Variants in ELP1 observed in about 807,000 individuals in gnomAD.
The protein encoded by ELP1 is elongator acetyltransferase complex subunit 1, also known as elongator complex protein 1.
In ELP1, 131 loss-of-function variants were observed where a neutral mutation model predicts 183.2. The ratio of observed to expected loss-of-function variants is 0.72; its 90% CI spans 0.62 to 0.83. ELP1 has a LOEUF of 0.83. ELP1 is among the 40% of genes least tolerant of loss of function. The pLI, the probability that ELP1 is intolerant of heterozygous loss-of-function variation, is 0.00. For synonymous variants in ELP1, 555 were observed against 569.0 expected (o/e 0.98, Z 0.35); for missense variants, 1,550 against 1,594.9 (o/e 0.97, Z 0.48).
chr9:108,881,567 A>G lies in ELP1; in HGVS notation c.3346+138T>C, dbSNP rs961313285. 3 of 654,328 alleles carry G rather than the reference A, an allele frequency of 4.6e-6. No individual in the cohort carries two copies. The South Asian group carries it at 5.3e-5, about 12-fold the overall frequency. 40.5% of individuals were successfully genotyped at this position (654,328 alleles called of 1,614,324 possible). Reference sequence around the variant, plus strand: ...TTAAAAATTCTAGTGAGAATTAAATATTATATCCAGGTGGTAATTTTGATT... The same window carrying G: ...TTAAAAATTCTAGTGAGAATTAAATGTTATATCCAGGTGGTAATTTTGATT... On this transcript the variant is annotated intron_variant, in intron 31 of 36. Coordinates refer to ENST00000374647, the MANE Select transcript of ELP1 (RefSeq NM_003640.5).
intron 32 of ELP1, 36 bp downstream of exon 32, chr9:108,880,016 C>T (rs1381579714): frequency 1.5e-6 from 2 of 1,297,236 alleles, no homozygotes; most frequent in East Asian, 2.3e-5. Context: ...AACCCCACTG[C>T]CCCCGCACGT....
intron 29 of ELP1, among the ~76,000 whole-genome samples, chr9:108,885,662 CA>C (rs992083061): frequency 4.6e-5 from 7 of 152,176 alleles, no homozygotes; most frequent in African/African-American, 1.4e-4. Context: ...AGCAACAAGT[CA>C]AAAATGAATT....
chr9:108,870,668 T>C (rs1827415443), intron 36 of ELP1, among the ~76,000 whole-genome samples: 1 of 152,056 alleles, frequency 6.6e-6, no homozygotes, highest in Non-Finnish European at 1.5e-5. Flanking sequence ...TTCTGATGTT[T>C]TTGCTTTTTC....
At chr9:108,891,149 A>G in intron 28 of ELP1, 54 bp downstream of exon 28, 2 of 1,558,312 alleles carry the variant, frequency 1.3e-6, no homozygotes, top group Admixed American at 3.3e-5. Flanking sequence ...CAAACAAAAG[A>G]AATAAATTTT....
Position 108,896,953 on chromosome 9 carries a change from C to T in ELP1, c.2587G>A (p.Gly863Arg). Reference sequence around the variant, plus strand: ...ACTTTCTCTGTGAGCGGATCTCTACCTTGAAGCTCGTGTACTTTTTGCAGT... The same window carrying T: ...ACTTTCTCTGTGAGCGGATCTCTACTTTGAAGCTCGTGTACTTTTTGCAGT... ...IVLQKVHELQGNAPSDPDAVS... is the reference protein window; with the variant it reads ...IVLQKVHELQRNAPSDPDAVS... The change falls in exon 24 of 37, where the codon GGA (glycine) becomes AGA (arginine). Residue 863 changes from glycine to arginine, a missense_variant and splice_region_variant. Coordinates refer to ENST00000374647, the MANE Select transcript of ELP1 (RefSeq NM_003640.5). The T allele has an allele frequency of 6.2e-7, 1 of 1,613,632 alleles. No individual in the cohort carries two copies. The highest frequency in any genetic ancestry group is 8.5e-7 in the Non-Finnish European group (1 of 1,179,622).
At chr9:108,885,672 T>C (rs1401201728) in intron 29 of ELP1, among the ~76,000 whole-genome samples, 2 of 152,182 alleles carry the variant, frequency 1.3e-5, no homozygotes, top group African/African-American at 4.8e-5. Context: ...CAAAAATGAA[T>C]TAAGCCTTCA....
intron 35 of ELP1, among the ~76,000 whole-genome samples, chr9:108,875,261 C>G (rs1195044770): frequency 6.6e-6 from 1 of 152,202 alleles, no homozygotes; most frequent in East Asian, 1.9e-4. Context: ...ATGAGCAAAC[C>G]ACTCCCTGAG....
rs1254799514 is a variant in ELP1, at chr9:108,933,910, AC to A, written c.-103del. 2 of 156,756 alleles carry A rather than the reference AC, an allele frequency of 1.3e-5. No individual in the cohort carries two copies. The highest frequency in any genetic ancestry group is 2.8e-5 in the Non-Finnish European group (2 of 71,006). The allele number at this position is 156,756 out of a possible 1,614,324, so 9.7% of individuals were successfully genotyped here. The stretch of plus-strand genomic sequence containing the variant: ...TGCGTCCGGCCTCGCCTCCCCAGCC[AC>A]GCGCAGCCGGCTACCCAGAGTCAGC... On this transcript the variant is annotated 5_prime_UTR_variant, in exon 1 of 37. Transcript: ENST00000374647.
chr9:108,912,572 C>A, intron 10 of ELP1, 78 bp from the exon 11 acceptor site: 1 of 1,009,560 alleles, frequency 9.9e-7, no homozygotes. Context: ...GGTTCAAGGG[C>A]AATCTTTTCT....
chr9:108,880,045 T>C lies in ELP1; in HGVS notation c.3460+7A>G, dbSNP rs2118940593. ...CGCACGTCGATGGCCTTCACGCAGATACTCACCCAGACCTGCCTGCTGGGC... is the reference window on the plus strand; with the variant it reads ...CGCACGTCGATGGCCTTCACGCAGACACTCACCCAGACCTGCCTGCTGGGC... On this transcript the variant is annotated splice_region_variant and intron_variant, in intron 32 of 36. Coordinates refer to ENST00000374647, the MANE Select transcript of ELP1 (RefSeq NM_003640.5). The C allele has an allele frequency of 6.3e-7, 1 of 1,587,294 alleles. No homozygotes were observed. The highest frequency in any genetic ancestry group is 1.1e-5 in the South Asian group (1 of 90,530).
At chr9:108,901,742 T>C in intron 16 of ELP1, 61 bp from the exon 17 acceptor site, 2 of 1,463,270 alleles carry the variant, frequency 1.4e-6, no homozygotes, top group South Asian at 1.1e-5. Context: ...AAACCTACCT[T>C]TTCTATCACA....
chr9:108,877,157 T>C (rs753649939), intron 35 of ELP1, among the ~76,000 whole-genome samples: 55 of 152,300 alleles, frequency 3.6e-4, no homozygotes, highest in Non-Finnish European at 1.9e-4. Flanking sequence ...TCTCAGAGGT[T>C]CAAGAGCCAG....
chr9:108,912,981 T>C (rs1772040), intron 10 of ELP1, among the ~76,000 whole-genome samples: 106,788 of 150,946 alleles, frequency 0.71, 38,309 homozygotes, highest in African/African-American at 0.83. Context: ...AGGATGGTCT[T>C]GATCTCCTGA....
At position 108,900,292 on chromosome 9, in the gene ELP1, C is replaced by T; in HGVS notation, c.2098G>A (p.Val700Ile). The change falls in exon 19 of 37, where the codon GTT becomes ATT. Residue 700 changes from valine to isoleucine, a missense_variant. Physicochemically the swap from Val to Ile is conservative, Grantham distance 29. Transcript: ENST00000374647. Reference protein sequence around the residue: ...KVERGSRIVTVVPQDTKLVLQ... With the variant: ...KVERGSRIVTIVPQDTKLVLQ... ...ACAAGCTTTGTGTCCTGGGGCACAA[C>T]AGTGACAATCCGTGAACCCCTCTCC... 1.2e-6 allele frequency: 2 copies of T among 1,614,094 alleles called. No homozygotes were observed. Among genetic ancestry groups the T allele is most frequent in the Non-Finnish European group, 8.5e-7 (1 of 1,179,948 alleles).
intron 24 of ELP1, 54 bp from the exon 25 acceptor site, chr9:108,896,698 C>T: frequency 1.3e-6 from 2 of 1,537,226 alleles, no homozygotes; most frequent in African/African-American, 1.4e-5. Flanking sequence ...AAAAAATCCA[C>T]AGACCTAACA....
At chr9:108,912,037 G>A (rs1278548800) in intron 11 of ELP1, among the ~76,000 whole-genome samples, 3 of 152,150 alleles carry the variant, frequency 2.0e-5, no homozygotes, top group African/African-American at 4.8e-5. Flanking sequence ...GCAAGTAAAC[G>A]TGTGAAGGCC....
chr9:108,880,329 ACT>A (rs1226458946), intron 31 of ELP1, among the ~76,000 whole-genome samples, 164 bp from the exon 32 acceptor site: 1 of 152,176 alleles, frequency 6.6e-6, no homozygotes, highest in Non-Finnish European at 1.5e-5. Context: ...CAAATTAGAG[ACT>A]GAGATTCCAG....
At chr9:108,908,848 G>C (rs556884638) in intron 12 of ELP1, among the ~76,000 whole-genome samples, 1 of 152,238 alleles carries the variant, frequency 6.6e-6, no homozygotes, top group Non-Finnish European at 1.5e-5. Context: ...ATCTCACTCG[G>C]AGTAAAAGCC....
chr9:108,923,759 G>C (rs1829737563), intron 5 of ELP1, among the ~76,000 whole-genome samples: 1 of 152,190 alleles, frequency 6.6e-6, no homozygotes, highest in Admixed American at 6.5e-5. Flanking sequence ...GTTCTTTCTA[G>C]ATCGTAACAC....
Sources: allele counts gnomAD v4.1 joint callset (sites outside exome capture counted in the v4.1 genomes callset), GRCh38; gene constraint gnomAD v4.1.1; transcripts MANE v1.5; gene names NCBI Gene and HGNC (gene_info 2026-07-23, HGNC 2026-07-21).